The following KLHL29 variants were observed in gnomAD, a reference collection of about 807,000 sequenced individuals.
KLHL29 encodes kelch like family member 29, also known as kelch-like protein 29.
A neutral mutation model predicts 80.4 loss-of-function variants in KLHL29; 21 were observed. That is an observed-to-expected ratio of 0.26 (90% confidence interval 0.19 to 0.38). The LOEUF (loss-of-function observed/expected upper bound fraction) is 0.38, where lower values mean the gene tolerates loss of function less well. Ranked by LOEUF, KLHL29 falls within the 10% of genes least tolerant of loss-of-function variation. KLHL29 has a pLI of 1.00. For synonymous variants in KLHL29, 511 were observed against 526.8 expected (o/e 0.97, Z 0.41); for missense variants, 867 against 1,223.9 (o/e 0.71, Z 4.35).
At chr2:23,678,229 G>A (rs917816780) in intron 5 of KLHL29, among the ~76,000 whole-genome samples, 1 of 152,218 alleles carries the variant, frequency 6.6e-6, no homozygotes, top group Non-Finnish European at 1.5e-5. Flanking sequence ...GCCCCAGGCA[G>A]AGCCTCTTCC....
intron 2 of KLHL29, among the ~76,000 whole-genome samples, chr2:23,511,566 A>T (rs1665772798): frequency 6.6e-6 from 1 of 152,192 alleles, no homozygotes; most frequent in African/African-American, 2.4e-5. Context: ...GTGTGTGAGG[A>T]CAGGGAGGCT....
intron 5 of KLHL29, among the ~76,000 whole-genome samples, chr2:23,673,769 C>G (rs1010906226): frequency 6.6e-6 from 1 of 151,982 alleles, no homozygotes; most frequent in Admixed American, 6.6e-5. Flanking sequence ...ACAACATGCT[C>G]TCACACTCAC....
rs1670633956 is a variant in KLHL29, at chr2:23,669,004, A to T, written c.941-15395A>T. The T allele has an allele frequency of 6.6e-6, 1 of 152,344 alleles. No individual in the cohort carries two copies. The highest frequency in any genetic ancestry group is 1.5e-5 in the Non-Finnish European group (1 of 68,198). 9.4% of individuals were successfully genotyped at this position (152,344 alleles called of 1,614,324 possible). On this transcript the variant is annotated intron_variant, in intron 5 of 13. Coordinates refer to ENST00000486442, the MANE Select transcript of KLHL29 (RefSeq NM_052920.2). This position sits in a 1 kb window ranked among gnomAD's most constrained non-coding sequence, Gnocchi z 4.3. ...GAGCTGAGCAGGAAGGCTGTGGCCC[A>T]TGGTGGGCCGAGCAGCACCTTCCTC...
At chr2:23,404,924 C>G (rs1666688978) in intron 1 of KLHL29, among the ~76,000 whole-genome samples, 1 of 152,216 alleles carries the variant, frequency 6.6e-6, no homozygotes, top group African/African-American at 2.4e-5. Flanking sequence ...GACACCTTCT[C>G]TAGGTCCAAG....
At chr2:23,433,073 AG>A (rs1216068946) in intron 1 of KLHL29, among the ~76,000 whole-genome samples, 2 of 152,138 alleles carry the variant, frequency 1.3e-5, no homozygotes, top group African/African-American at 4.8e-5. Flanking sequence ...GTCTTGATAA[AG>A]GGAGGGGAGC....
chr2:23,575,629 G>A (rs917630262), intron 3 of KLHL29, among the ~76,000 whole-genome samples: 1 of 152,178 alleles, frequency 6.6e-6, no homozygotes, highest in African/African-American at 2.4e-5. Context: ...TCATGCCCAG[G>A]GTCACAGAAC....
At chr2:23,564,656 C>T (rs1176742300) in intron 3 of KLHL29, among the ~76,000 whole-genome samples, 1 of 152,250 alleles carries the variant, frequency 6.6e-6, no homozygotes, top group Non-Finnish European at 1.5e-5. Flanking sequence ...GGCCTGTCCC[C>T]TAGCCTATGT....
intron 3 of KLHL29, among the ~76,000 whole-genome samples, chr2:23,582,110 G>A (rs1668002672): frequency 6.6e-6 from 1 of 152,108 alleles, no homozygotes; most frequent in African/African-American, 2.4e-5. Context: ...TCAGCCTCAC[G>A]CCTCCAGTGA....
chr2:23,407,179 C>T (rs959449857), intron 1 of KLHL29, among the ~76,000 whole-genome samples: 3 of 152,162 alleles, frequency 2.0e-5, no homozygotes, highest in Non-Finnish European at 2.9e-5. Flanking sequence ...CTATAAATAA[C>T]GTTGCAATGA....
rs956531030 is a variant in KLHL29 at position 23,654,704 on chromosome 2, G to A, written c.940+11854G>A. Among the ~76,000 whole-genome samples the A allele has an allele frequency of 1.9e-5, 2 of 107,804 alleles. 1 individual carries two copies. Among genetic ancestry groups the A allele is most frequent in the Non-Finnish European group, 4.2e-5 (2 of 47,628 alleles). The allele number at this position is 107,804 out of a possible 152,430, so 70.7% of individuals were successfully genotyped here. A position where few individuals can be genotyped will look rare whatever the true frequency, so the allele number is the denominator to read the frequency against. On this transcript the variant is annotated intron_variant, in intron 5 of 13. Transcript: ENST00000486442. ...CAGAAGGGAACAGAGGTTGGGGGGG[G>A]GGGGTGGATGTTTTGTATGTGCCTA...
intron 3 of KLHL29, among the ~76,000 whole-genome samples, chr2:23,598,306 A>G (rs1281411665): frequency 6.6e-6 from 1 of 152,232 alleles, no homozygotes; most frequent in African/African-American, 2.4e-5. Flanking sequence ...ATCATTTGCA[A>G]AGTAACTGAT....
At chr2:23,475,243 A>G (rs897115286) in intron 1 of KLHL29, among the ~76,000 whole-genome samples, 2 of 151,996 alleles carry the variant, frequency 1.3e-5, no homozygotes, top group African/African-American at 2.4e-5. Flanking sequence ...CAATGGCTCA[A>G]TGGTGGGGAT....
chr2:23,592,262 G>A (rs545624067), intron 3 of KLHL29, among the ~76,000 whole-genome samples: 32 of 152,114 alleles, frequency 2.1e-4, no homozygotes, highest in Admixed American at 1.1e-3. Context: ...TGGTGACCCC[G>A]GCTCCAGGGC....
intron 8 of KLHL29, among the ~76,000 whole-genome samples, chr2:23,694,801 C>A (rs1234177417): frequency 6.6e-6 from 1 of 152,200 alleles, no homozygotes; most frequent in East Asian, 1.9e-4. Flanking sequence ...CATCCAGATG[C>A]CATTCCCTCT....
rs565912055 is a variant in KLHL29, at chr2:23,464,854, C to T, written c.-153-10706C>T. Among the ~76,000 whole-genome samples the T allele has an allele frequency of 6.6e-5, 10 of 152,200 alleles. 1 individual carries two copies. In the East Asian group the frequency reaches 1.7e-3, roughly 26 times the overall value. On this transcript the variant is annotated intron_variant, in intron 1 of 13. Transcript: ENST00000486442. The stretch of plus-strand genomic sequence containing the variant: ...ACCTCTTCTCTTAATTATTATTACT[C>T]CATTCAAGTGAGACAAGATGATTTA...
At chr2:23,476,577 C>A (rs1664648643) in intron 2 of KLHL29, among the ~76,000 whole-genome samples, 1 of 152,144 alleles carries the variant, frequency 6.6e-6, no homozygotes. Flanking sequence ...ATCTATATCA[C>A]CATTTTTACA....
intron 2 of KLHL29, among the ~76,000 whole-genome samples, chr2:23,555,131 C>G (rs943038062): frequency 4.5e-5 from 5 of 110,566 alleles, no homozygotes; most frequent in East Asian, 3.1e-4. Context: ...CCCCCCCCCC[C>G]TCAACTTGTG....
Position 23,696,215 on chromosome 2 carries a change from A to C in KLHL29, c.1924+82A>C. On this transcript the variant is annotated intron_variant, in intron 10 of 13. Coordinates refer to ENST00000486442, the MANE Select transcript of KLHL29 (RefSeq NM_052920.2). The surrounding 1 kb of genome is among the most constrained non-coding windows in gnomAD (Gnocchi z 5.5). The stretch of plus-strand genomic sequence containing the variant: ...CCCCACGTCAGGGCTGAGGAAGGCC[A>C]TGGCCCAGAAGTGTCTACTTTGCAG... 2 of 1,491,848 alleles carry C rather than the reference A, an allele frequency of 1.3e-6. No homozygotes were observed. Among genetic ancestry groups the C allele is most frequent in the Non-Finnish European group, 9.1e-7 (1 of 1,103,246 alleles). The allele number at this position is 1,491,848 out of a possible 1,614,324, so 92.4% of individuals were successfully genotyped here. A position where few individuals can be genotyped will look rare whatever the true frequency, so the allele number is the denominator to read the frequency against.
intron 3 of KLHL29, among the ~76,000 whole-genome samples, chr2:23,597,367 A>T (rs59614652): frequency 2.7e-5 from 1 of 36,824 alleles, no homozygotes; most frequent in African/African-American, 1.0e-4. Flanking sequence ...GTATGTATAT[A>T]TATATGTGTG....
Sources: allele counts gnomAD v4.1 joint callset (sites outside exome capture counted in the v4.1 genomes callset), GRCh38; gene constraint gnomAD v4.1.1; non-coding constraint Gnocchi (gnomAD v3.1); transcripts MANE v1.5; gene names NCBI Gene and HGNC (gene_info 2026-07-23, HGNC 2026-07-21).